The following TAS2R1 variants were observed in gnomAD, a reference collection of about 807,000 sequenced individuals.
TAS2R1 encodes the protein taste 2 receptor member 1, also known as taste receptor type 2 member 1.
For missense variants in TAS2R1, 370 were observed against 353.4 expected (o/e 1.05, Z -0.38); for synonymous variants, 141 against 134.2 (o/e 1.05, Z -0.35).
At chr5:9,689,719 T>C (rs1741196522) in intron 1 of TAS2R1, among the ~76,000 whole-genome samples, 1 of 152,166 alleles carries the variant, frequency 6.6e-6, no homozygotes, top group South Asian at 2.1e-4. Flanking sequence ...AATTTCTGTC[T>C]ATAAGATACT....
the TAS2R1 span, among the ~76,000 whole-genome samples, chr5:9,895,221 G>C: frequency 4.1e-4 from 63 of 152,240 alleles, no homozygotes; most frequent in Non-Finnish European, 2.9e-5. Flanking sequence ...AGCTGGGACT[G>C]CAAAACCAGT....
chr5:9,739,599 G>A, the TAS2R1 span, among the ~76,000 whole-genome samples: 14 of 152,160 alleles, frequency 9.2e-5, no homozygotes, highest in Admixed American at 4.6e-4. Context: ...TGCTTAATCC[G>A]TAAGAGGCAG....
At chr5:9,763,535 G>C in the TAS2R1 span, among the ~76,000 whole-genome samples, 5 of 152,028 alleles carry the variant, frequency 3.3e-5, no homozygotes, top group Non-Finnish European at 7.4e-5. Context: ...TTATGTATGA[G>C]AGAAAACAGC....
chr5:9,832,960 AAT>A, the TAS2R1 span, among the ~76,000 whole-genome samples: 1 of 152,190 alleles, frequency 6.6e-6, no homozygotes, highest in South Asian at 2.1e-4. Flanking sequence ...ATCAGACATC[AAT>A]CAATATGTAG....
the TAS2R1 span, among the ~76,000 whole-genome samples, chr5:9,718,007 T>C: frequency 6.6e-6 from 1 of 152,224 alleles, no homozygotes; most frequent in African/African-American, 2.4e-5. Context: ...GTTGCCACGC[T>C]GGAGTGCAGT....
chr5:9,690,805 G>A (rs139982185), intron 1 of TAS2R1, among the ~76,000 whole-genome samples: 231 of 152,114 alleles, frequency 1.5e-3, no homozygotes, highest in African/African-American at 5.3e-3. Context: ...TTGTCCTGGG[G>A]CTCATCCTCC....
the TAS2R1 span, among the ~76,000 whole-genome samples, chr5:9,726,640 C>G: frequency 1.3e-5 from 2 of 152,218 alleles, no homozygotes; most frequent in Admixed American, 1.3e-4. Context: ...ATCCAAACAT[C>G]AGAAGGAACA....
the TAS2R1 span, among the ~76,000 whole-genome samples, chr5:9,814,849 T>A: frequency 7.2e-5 from 11 of 152,350 alleles, no homozygotes; most frequent in East Asian, 3.9e-4. Context: ...AACAGAAAAG[T>A]CCCACTAACT....
the TAS2R1 span, among the ~76,000 whole-genome samples, chr5:9,762,802 G>T: frequency 2.0e-5 from 3 of 152,298 alleles, no homozygotes; most frequent in African/African-American, 7.2e-5. Flanking sequence ...TCTGCAATTT[G>T]TAAGAGTTCC....
the TAS2R1 span, among the ~76,000 whole-genome samples, chr5:9,879,521 T>C: frequency 6.6e-6 from 1 of 152,178 alleles, no homozygotes; most frequent in Non-Finnish European, 1.5e-5. Flanking sequence ...TTTCCAACTA[T>C]CATTCTGGTA....
At chr5:9,651,812 C>T (rs552529530) in intron 2 of TAS2R1, among the ~76,000 whole-genome samples, 1 of 152,258 alleles carries the variant, frequency 6.6e-6, no homozygotes, top group East Asian at 1.9e-4. Flanking sequence ...GCCCTCCATT[C>T]ATTCCCATTC....
chr5:9,688,929 GC>G (rs1741181324), intron 1 of TAS2R1, among the ~76,000 whole-genome samples: 1 of 152,094 alleles, frequency 6.6e-6, no homozygotes, highest in Non-Finnish European at 1.5e-5. Context: ...TTTGGTATTG[GC>G]CAGAAATTGC....
At chr5:9,862,869 C>G in the TAS2R1 span, 2 of 152,252 alleles carry the variant, frequency 1.3e-5, no homozygotes, top group Non-Finnish European at 2.9e-5. Context: ...CCCGCCTCAG[C>G]CTCCCAAACT....
At chr5:9,848,793 T>C in the TAS2R1 span, among the ~76,000 whole-genome samples, 1 of 152,062 alleles carries the variant, frequency 6.6e-6, no homozygotes, top group African/African-American at 2.4e-5. Flanking sequence ...GAAAAGAAAA[T>C]TCATTACAAC....
chr5:9,842,796 G>A, the TAS2R1 span, among the ~76,000 whole-genome samples: 1 of 151,848 alleles, frequency 6.6e-6, no homozygotes, highest in Admixed American at 6.6e-5. Context: ...TCTCCTGCTT[G>A]GTAAGTCTTG....
At chr5:9,697,178 T>TAAAAAAAAAGACAACCTCTTGAA (rs1561382052) in intron 1 of TAS2R1, among the ~76,000 whole-genome samples, 1 of 150,232 alleles carries the variant, frequency 6.7e-6, no homozygotes, top group African/African-American at 2.4e-5. Flanking sequence ...CTTTTTTGTT[T>TAAAAAAAAAGACAACCTCTTGAA]AAAAAAAAAG....
chr5:9,726,214 C>G, the TAS2R1 span, among the ~76,000 whole-genome samples: 1 of 152,150 alleles, frequency 6.6e-6, no homozygotes, highest in African/African-American at 2.4e-5. Flanking sequence ...ATGCACCAAT[C>G]GACACTCTGT....
intron 1 of TAS2R1, among the ~76,000 whole-genome samples, chr5:9,693,767 T>C (rs1741301371): frequency 6.6e-6 from 1 of 152,110 alleles, no homozygotes; most frequent in African/African-American, 2.4e-5. Flanking sequence ...GCCGACTACG[T>C]TGCCTTTTAA....
intron 1 of TAS2R1, among the ~76,000 whole-genome samples, chr5:9,667,905 C>T (rs996699417): frequency 6.6e-6 from 1 of 152,164 alleles, no homozygotes; most frequent in Non-Finnish European, 1.5e-5. Flanking sequence ...ACTAGTTCCC[C>T]AGCAATGGTT....
Sources: gnomAD v4.1 joint callset for allele counts (sites outside exome capture counted in the v4.1 genomes callset) on GRCh38, gnomAD v4.1.1 for gene constraint, MANE v1.5 for transcripts, NCBI Gene and HGNC (gene_info 2026-07-23, HGNC 2026-07-21) for gene names.